PTPRK: variants seen among roughly 807,000 people sequenced by gnomAD.
The protein encoded by PTPRK is receptor-type tyrosine-protein phosphatase kappa.
PTPRK carries 75 observed loss-of-function variants against 178.0 expected under a neutral mutation model. The ratio of observed to expected loss-of-function variants is 0.42; its 90% CI spans 0.35 to 0.51. PTPRK has a LOEUF of 0.51. Ranked by LOEUF, PTPRK falls within the 20% of genes least tolerant of loss-of-function variation. The probability of loss-of-function intolerance (pLI) is 0.02; values close to 1 mark genes in which losing one functional copy is unlikely to be tolerated. For missense variants in PTPRK, 1,441 were observed against 1,797.8 expected (o/e 0.80, Z 3.59); for synonymous variants, 637 against 620.6 (o/e 1.03, Z -0.39).
At chr6:128,179,446 C>T (rs977724614) in intron 7 of PTPRK, among the ~76,000 whole-genome samples, 4 of 151,862 alleles carry the variant, frequency 2.6e-5, no homozygotes, top group African/African-American at 9.7e-5. Context: ...ATTACTTTTC[C>T]TGTGGCTTTT....
chr6:128,165,956 G>C (rs140029548), intron 7 of PTPRK, among the ~76,000 whole-genome samples: 1 of 151,598 alleles, frequency 6.6e-6, no homozygotes, highest in East Asian at 1.9e-4. Context: ...CTGCATGACA[G>C]AAGAATTTCT....
chr6:127,980,504 C>A (rs945409554), intron 25 of PTPRK, among the ~76,000 whole-genome samples: 1 of 150,698 alleles, frequency 6.6e-6, no homozygotes, highest in Admixed American at 6.6e-5. Context: ...AAAAAAAAAA[C>A]CAAAAACTAA....
Position 127,970,287 on chromosome 6 carries a change from G to T in PTPRK, c.4270-7C>A, listed in dbSNP as rs749209149. On this transcript the variant is annotated splice_polypyrimidine_tract_variant and splice_region_variant and intron_variant, in intron 29 of 29. Transcript: ENST00000368226. ...AGCAGAAACGGTATTGCTCCTGAAA[G>T]ATGTCAAAACACAAAGAGTGAGAAA... The T allele has an allele frequency of 7.5e-6, 12 of 1,608,716 alleles. No individual in the cohort carries two copies. The African/African-American group carries it at 1.3e-4, about 18-fold the overall frequency.
chr6:127,970,384 G>T, intron 29 of PTPRK, 104 bp from the exon 30 acceptor site: 1 of 791,814 alleles, frequency 1.3e-6, no homozygotes, highest in East Asian at 2.9e-5. Flanking sequence ...ATTACTCAAG[G>T]ATTACAATTT....
chr6:128,009,504 T>G (rs911991132), intron 13 of PTPRK, among the ~76,000 whole-genome samples: 16 of 151,008 alleles, frequency 1.1e-4, no homozygotes, highest in Non-Finnish European at 1.9e-4. Context: ...ACCTCCACAA[T>G]AAATATCAAA....
chr6:128,285,674 G>A (rs867540836), intron 3 of PTPRK, among the ~76,000 whole-genome samples: 4 of 151,986 alleles, frequency 2.6e-5, no homozygotes, highest in South Asian at 2.1e-4. Flanking sequence ...GCATGGTGGC[G>A]TGTGCCTGCC....
At chr6:128,351,853 G>C (rs1263813159) in intron 2 of PTPRK, among the ~76,000 whole-genome samples, 3 of 152,136 alleles carry the variant, frequency 2.0e-5, no homozygotes, top group Non-Finnish European at 4.4e-5. Flanking sequence ...GAGGGAATCA[G>C]ATTTCTGGGG....
chr6:128,439,034 T>G lies in PTPRK; in HGVS notation c.101-41346A>C, dbSNP rs568652824. Among the ~76,000 whole-genome samples the G allele has an allele frequency of 2.6e-5, 4 of 152,224 alleles. No homozygotes were observed. In the East Asian group the frequency reaches 7.7e-4, roughly 29 times the overall value. ...CAGTGGAATAATACCAGGGAAACAC[T>G]GAGATTTGCTTAGAAAGTACTTTGG... On this transcript the variant is annotated intron_variant, in intron 1 of 29. Transcript: ENST00000368226.
At chr6:128,476,196 T>C (rs151201511) in intron 1 of PTPRK, among the ~76,000 whole-genome samples, 18 of 152,126 alleles carry the variant, frequency 1.2e-4, no homozygotes, top group African/African-American at 3.1e-4. Context: ...CAAGAGCCTA[T>C]GTCCATCATT....
At chr6:128,449,823 C>T (rs756018281) in intron 1 of PTPRK, among the ~76,000 whole-genome samples, 3 of 151,622 alleles carry the variant, frequency 2.0e-5, no homozygotes, top group Non-Finnish European at 4.4e-5. Context: ...TGGCTGGGTG[C>T]GGTGGCTCAT....
At chr6:128,096,133 A>C (rs563247746) in intron 7 of PTPRK, among the ~76,000 whole-genome samples, 3 of 152,206 alleles carry the variant, frequency 2.0e-5, no homozygotes, top group Non-Finnish European at 4.4e-5. Flanking sequence ...TTAGCAGGTA[A>C]ATAAAGAAGT....
intron 7 of PTPRK, among the ~76,000 whole-genome samples, chr6:128,105,334 C>T (rs1789535287): frequency 1.3e-5 from 2 of 151,968 alleles, no homozygotes; most frequent in African/African-American, 2.4e-5. Flanking sequence ...GGGGTTTCAC[C>T]GTGTTAGCCA....
chr6:127,986,214 A>T (rs927227352), intron 21 of PTPRK, among the ~76,000 whole-genome samples: 6 of 152,282 alleles, frequency 3.9e-5, no homozygotes, highest in African/African-American at 1.2e-4. Context: ...GGAAAGCTAA[A>T]ATGCTGCCCC....
At chr6:128,069,245 C>T (rs1002288771) in intron 11 of PTPRK, among the ~76,000 whole-genome samples, 10 of 152,152 alleles carry the variant, frequency 6.6e-5, no homozygotes, top group Non-Finnish European at 1.3e-4. Flanking sequence ...CTTGTTTCCT[C>T]TAAAAAGATA....
At chr6:128,121,063 G>T (rs1425517207) in intron 7 of PTPRK, among the ~76,000 whole-genome samples, 4 of 150,554 alleles carry the variant, frequency 2.7e-5, no homozygotes, top group Non-Finnish European at 5.9e-5. Flanking sequence ...ATAAATAAGA[G>T]TTGAGAAGAG....
At chr6:128,195,600 T>C (rs766743346) in intron 6 of PTPRK, among the ~76,000 whole-genome samples, 2 of 152,124 alleles carry the variant, frequency 1.3e-5, no homozygotes, top group Non-Finnish European at 2.9e-5. Context: ...TATGTACAAC[T>C]AATATATTTA....
At chr6:128,351,093 ATTC>A (rs1833060621) in intron 2 of PTPRK, among the ~76,000 whole-genome samples, 1 of 152,220 alleles carries the variant, frequency 6.6e-6, no homozygotes, top group Admixed American at 6.5e-5. Context: ...AACATGACTC[ATTC>A]AGTCTTGGAG....
intron 2 of PTPRK, among the ~76,000 whole-genome samples, chr6:128,333,259 T>A (rs1562301800): frequency 6.6e-6 from 1 of 152,176 alleles, no homozygotes; most frequent in Non-Finnish European, 1.5e-5. Flanking sequence ...TGGATATACT[T>A]CAACACTGTT....
chr6:128,471,991 AAG>A (rs745939025), intron 1 of PTPRK, among the ~76,000 whole-genome samples: 2 of 151,754 alleles, frequency 1.3e-5, no homozygotes, highest in East Asian at 1.9e-4. Flanking sequence ...GCAGAAACAA[AAG>A]AGAGAGAGAG....
Sources: gnomAD v4.1 joint callset for allele counts (sites outside exome capture counted in the v4.1 genomes callset) on GRCh38, gnomAD v4.1.1 for gene constraint, MANE v1.5 for transcripts, NCBI Gene and HGNC (gene_info 2026-07-23, HGNC 2026-07-21) for gene names.